The following LRMDA variants were observed in gnomAD, a reference collection of about 807,000 sequenced individuals.
LRMDA encodes the protein leucine-rich melanocyte differentiation-associated protein.
Under a neutral mutation model 29.8 loss-of-function variants are expected in LRMDA, and 18 were observed. The ratio of observed to expected loss-of-function variants is 0.60; its 90% CI spans 0.42 to 0.90. LRMDA has a LOEUF of 0.90. Ranked by LOEUF, LRMDA falls within the 40% of genes least tolerant of loss-of-function variation. The pLI, the probability that LRMDA is intolerant of heterozygous loss-of-function variation, is 0.00. For synonymous variants in LRMDA, 125 were observed against 109.4 expected, an observed-to-expected ratio of 1.14 and a Z score of -0.89; for missense variants, 273 against 273.9, an observed-to-expected ratio of 1.00 and a Z score of 0.02.
Position 75,519,983 on chromosome 10 carries a change from C to A in LRMDA, c.131+81489C>A, listed in dbSNP as rs546615913. The stretch of plus-strand genomic sequence containing the variant: ...GAAATTCTGGGTTGAAAATTCTTTT[C>A]TTTAAGAATGTTGAATATTGGCCCC... On this transcript the variant is annotated intron_variant, in intron 2 of 6. Coordinates refer to ENST00000611255, the MANE Select transcript of LRMDA (RefSeq NM_001305581.2). 3.9e-5 allele frequency among the ~76,000 whole-genome samples: 6 copies of A among 152,288 alleles called. No individual in the cohort carries two copies. The South Asian group carries it at 1.2e-3, about 32-fold the overall frequency.
chr10:75,561,848 A>C (rs891561798), intron 2 of LRMDA, among the ~76,000 whole-genome samples: 2 of 151,968 alleles, frequency 1.3e-5, no homozygotes, highest in African/African-American at 2.4e-5. Context: ...GTTTTGAGTG[A>C]GTTTCTTAAT....
intron 2 of LRMDA, among the ~76,000 whole-genome samples, chr10:75,648,365 A>G (rs1431914887): frequency 2.6e-5 from 4 of 152,284 alleles, no homozygotes; most frequent in African/African-American, 9.6e-5. Context: ...TGGGCTGCTC[A>G]GTGGAGCAGA....
At chr10:75,698,267 C>T (rs1414461161) in intron 2 of LRMDA, among the ~76,000 whole-genome samples, 1 of 152,118 alleles carries the variant, frequency 6.6e-6, no homozygotes, top group Admixed American at 6.5e-5. Flanking sequence ...CAGCTCCGAC[C>T]CCTACTCTCT....
chr10:75,526,588 C>G (rs1270034984), intron 2 of LRMDA, among the ~76,000 whole-genome samples: 1 of 151,972 alleles, frequency 6.6e-6, no homozygotes, highest in Admixed American at 6.5e-5. Flanking sequence ...TGTGGTGGCT[C>G]ACACCTGTAA....
chr10:76,325,432 G>T (rs1369324894), intron 6 of LRMDA, among the ~76,000 whole-genome samples: 1 of 152,162 alleles, frequency 6.6e-6, no homozygotes, highest in South Asian at 2.1e-4. Context: ...AGTTAATTTT[G>T]TGAAAAATCA....
At chr10:75,773,817 C>T (rs928481896) in intron 2 of LRMDA, among the ~76,000 whole-genome samples, 50 of 152,224 alleles carry the variant, frequency 3.3e-4, no homozygotes, top group East Asian at 1.9e-4. Flanking sequence ...TCCTGGCCCA[C>T]GTTGAGTTCT....
rs141664862 is a variant in LRMDA, at chr10:75,587,136, G to A, written c.131+148642G>A. On this transcript the variant is annotated intron_variant, in intron 2 of 6. Transcript: ENST00000611255. Reference sequence around the variant, plus strand: ...CTTACATTTCAATCTATTTTGAGTTGATTTTGTGTGTGTGGTGTCAGATAA... The same window carrying A: ...CTTACATTTCAATCTATTTTGAGTTAATTTTGTGTGTGTGGTGTCAGATAA... Among the ~76,000 whole-genome samples the A allele has an allele frequency of 2.9e-3, 438 of 152,176 alleles. 3 individuals are homozygous for A. The highest frequency in any genetic ancestry group is 9.8e-3 in the African/African-American group (409 of 41,538).
At chr10:76,518,041 A>G (rs1843079441) in intron 6 of LRMDA, among the ~76,000 whole-genome samples, 1 of 151,604 alleles carries the variant, frequency 6.6e-6, no homozygotes, top group Non-Finnish European at 1.5e-5. Context: ...GTCTAAAGGG[A>G]TCAACCATCA....
intron 5 of LRMDA, among the ~76,000 whole-genome samples, chr10:76,320,407 A>G (rs1840756545): frequency 6.6e-6 from 1 of 152,172 alleles, no homozygotes; most frequent in Non-Finnish European, 1.5e-5. Context: ...ATTTACCATC[A>G]TCTGCTTTTT....
At chr10:75,468,342 C>T (rs956269656) in intron 2 of LRMDA, among the ~76,000 whole-genome samples, 2 of 152,052 alleles carry the variant, frequency 1.3e-5, no homozygotes, top group African/African-American at 4.8e-5. Context: ...AAAGAAGGAC[C>T]ATTAGGACTC....
At chr10:75,552,712 G>A (rs2132055943) in intron 2 of LRMDA, among the ~76,000 whole-genome samples, 1 of 149,324 alleles carries the variant, frequency 6.7e-6, no homozygotes, top group East Asian at 1.9e-4. Context: ...CAAAATATAT[G>A]TTATACTGTT....
At chr10:76,074,448 A>G (rs1034101968) in intron 5 of LRMDA, among the ~76,000 whole-genome samples, 3 of 152,154 alleles carry the variant, frequency 2.0e-5, no homozygotes, top group Non-Finnish European at 2.9e-5. Context: ...TCAGGTTTCT[A>G]TCAAAGGGGG....
At chr10:75,974,447 C>T (rs1027410817) in intron 2 of LRMDA, among the ~76,000 whole-genome samples, 1 of 152,174 alleles carries the variant, frequency 6.6e-6, no homozygotes. Flanking sequence ...GGTTATTGAA[C>T]TTCTCTGTAC....
At chr10:75,485,488 C>G (rs1236193999) in intron 2 of LRMDA, among the ~76,000 whole-genome samples, 2 of 152,170 alleles carry the variant, frequency 1.3e-5, no homozygotes, top group Non-Finnish European at 2.9e-5. Flanking sequence ...CCTCCACCTT[C>G]AGAGCTTAAG....
At chr10:76,523,419 G>T (rs1331030553) in intron 6 of LRMDA, among the ~76,000 whole-genome samples, 2 of 152,106 alleles carry the variant, frequency 1.3e-5, no homozygotes, top group Non-Finnish European at 2.9e-5. Flanking sequence ...GAAACACGCC[G>T]CTATTTAGCT....
At position 76,005,207 on chromosome 10, in the gene LRMDA, A is replaced by G. The variant is rs567568824; in HGVS notation, c.132-30801A>G. ...CTCCCTAAACATAGGACTTCTCTGT[A>G]TGTATTACTGTACTATGTGCTTTCT... On this transcript the variant is annotated intron_variant, in intron 2 of 6. Coordinates refer to ENST00000611255, the MANE Select transcript of LRMDA (RefSeq NM_001305581.2). Among the ~76,000 whole-genome samples, 318 of 152,176 alleles carry G rather than the reference A, an allele frequency of 2.1e-3. 3 individuals are homozygous for G. Among genetic ancestry groups the G allele is most frequent in the African/African-American group, 7.5e-3 (313 of 41,512 alleles).
chr10:76,530,993 T>A (rs987930142), intron 6 of LRMDA, among the ~76,000 whole-genome samples: 2 of 152,178 alleles, frequency 1.3e-5, no homozygotes, highest in Admixed American at 1.3e-4. Context: ...CTTCTGTTTT[T>A]TCCATGTTAA....
At chr10:76,253,346 A>G (rs902622048) in intron 5 of LRMDA, among the ~76,000 whole-genome samples, 2 of 152,042 alleles carry the variant, frequency 1.3e-5, no homozygotes, top group African/African-American at 2.4e-5. Context: ...CATCTCATTT[A>G]TTTTATTTGT....
chr10:75,945,276 C>T (rs1846457780), intron 2 of LRMDA, among the ~76,000 whole-genome samples: 1 of 152,208 alleles, frequency 6.6e-6, no homozygotes, highest in Admixed American at 6.5e-5. Flanking sequence ...CCAGTTGTTA[C>T]TTTTCACTCT....
Sources: gnomAD v4.1 joint callset for allele counts (sites outside exome capture counted in the v4.1 genomes callset) on GRCh38, gnomAD v4.1.1 for gene constraint, MANE v1.5 for transcripts, NCBI Gene and HGNC (gene_info 2026-07-23, HGNC 2026-07-21) for gene names.